CCDC150: variants seen among roughly 807,000 people sequenced by gnomAD.
The protein encoded by CCDC150 is coiled-coil domain-containing protein 150.
Under a neutral mutation model 156.5 loss-of-function variants are expected in CCDC150, and 151 were observed. The ratio of observed to expected loss-of-function variants is 0.97; its 90% confidence interval spans 0.85 to 1.10. CCDC150 has a LOEUF of 1.10. Ranked by LOEUF, CCDC150 falls within the 50% of genes least tolerant of loss-of-function variation. CCDC150 has a pLI of 0.00. For synonymous variants in CCDC150, 452 were observed against 429.4 expected, an observed-to-expected ratio of 1.05 and a Z score of -0.65; for missense variants, 1,312 against 1,268.1, an observed-to-expected ratio of 1.03 and a Z score of -0.53.
At position 196,693,766 on chromosome 2, in the gene CCDC150, T is replaced by C. The variant is rs531534422; in HGVS notation, c.1510-1280T>C. On this transcript the variant is annotated intron_variant, in intron 13 of 27. Transcript: ENST00000389175. ...TCACTATTAATATTGATATTAGCTG[T>C]AGGATTTTTATGGATACATTTTTTA... Among the ~76,000 whole-genome samples the C allele has an allele frequency of 7.9e-5, 12 of 152,292 alleles. No homozygotes were observed. The South Asian group carries it at 2.5e-3, about 32-fold the overall frequency.
intron 19 of CCDC150, 94 bp from the exon 20 acceptor site, chr2:196,720,481 C>G (rs1378554223): frequency 2.1e-5 from 19 of 908,838 alleles, no homozygotes; most frequent in Non-Finnish European, 3.1e-5. Context: ...GCTATTTGAG[C>G]TTCTTAGAAG....
intron 22 of CCDC150, 120 bp downstream of exon 22, chr2:196,726,219 C>T (rs1221597125): frequency 1.7e-6 from 2 of 1,149,492 alleles, no homozygotes; most frequent in South Asian, 3.1e-5. Flanking sequence ...GATCAGCAGG[C>T]CAGATGTAAT....
chr2:196,692,333 A>C (rs1298065744), intron 13 of CCDC150, among the ~76,000 whole-genome samples: 1 of 149,002 alleles, frequency 6.7e-6, no homozygotes, highest in Non-Finnish European at 1.5e-5. Context: ...ACGGGGTTTC[A>C]CCTTGTTAGC....
At position 196,719,045 on chromosome 2, in the gene CCDC150, AT is replaced by A. The variant is rs940800353; in HGVS notation, c.1995+418del. 1.1e-3 allele frequency among the ~76,000 whole-genome samples: 167 copies of A among 152,280 alleles called. 1 individual carries two copies. The highest frequency in any genetic ancestry group is 3.8e-3 in the African/African-American group (157 of 41,566). On this transcript the variant is annotated intron_variant, in intron 18 of 27. Transcript: ENST00000389175. ...ACTTCTCTTTGTCAGCAAGTGCTGGATTTTGTCTCTCTGAGGAGGGCTGTGA... is the reference window on the plus strand; with the variant it reads ...ACTTCTCTTTGTCAGCAAGTGCTGGATTTGTCTCTCTGAGGAGGGCTGTGA...
intron 17 of CCDC150, among the ~76,000 whole-genome samples, chr2:196,716,151 A>G (rs758025201): frequency 1.3e-5 from 2 of 152,214 alleles, no homozygotes; most frequent in Admixed American, 6.5e-5. Flanking sequence ...TCACAGTGAG[A>G]TACTACCACA....
intron 2 of CCDC150, among the ~76,000 whole-genome samples, chr2:196,652,671 C>T (rs1692957116): frequency 6.6e-6 from 1 of 152,234 alleles, no homozygotes; most frequent in Non-Finnish European, 1.5e-5. Flanking sequence ...CCCACAGCTC[C>T]CCTGAGCAGT....
chr2:196,717,661 G>T (rs1378541607), intron 17 of CCDC150, among the ~76,000 whole-genome samples: 1 of 152,186 alleles, frequency 6.6e-6, no homozygotes, highest in South Asian at 2.1e-4. Flanking sequence ...GGAGGCCGAG[G>T]TGAGCAGATC....
At chr2:196,657,789 A>G (rs962237403) in intron 4 of CCDC150, among the ~76,000 whole-genome samples, 1 of 152,212 alleles carries the variant, frequency 6.6e-6, no homozygotes, top group Non-Finnish European at 1.5e-5. Flanking sequence ...CTTGTGAAGT[A>G]GGATATTATT....
At chr2:196,731,279 G>C (rs979508191) in intron 26 of CCDC150, among the ~76,000 whole-genome samples, 1 of 151,814 alleles carries the variant, frequency 6.6e-6, no homozygotes, top group African/African-American at 2.4e-5. Flanking sequence ...GATGCTCTTT[G>C]TTCAATCAAT....
chr2:196,697,703 T>C (rs1213162698), intron 14 of CCDC150, among the ~76,000 whole-genome samples: 2 of 152,308 alleles, frequency 1.3e-5, no homozygotes, highest in East Asian at 3.9e-4. Context: ...AATAAAAAAC[T>C]TTAAAAAATG....
At chr2:196,681,115 C>T (rs1489781021) in intron 13 of CCDC150, among the ~76,000 whole-genome samples, 2 of 152,176 alleles carry the variant, frequency 1.3e-5, no homozygotes, top group East Asian at 3.8e-4. Context: ...ACTCCCCATT[C>T]CCTCCTTCTC....
chr2:196,672,221 A>C, intron 8 of CCDC150, 124 bp from the exon 9 acceptor site: 1 of 437,786 alleles, frequency 2.3e-6, no homozygotes. Flanking sequence ...AGACATTTAT[A>C]AAGTTCCAGT....
intron 15 of CCDC150, among the ~76,000 whole-genome samples, chr2:196,710,230 TC>T (rs1158220578): frequency 6.6e-6 from 1 of 152,198 alleles, no homozygotes; most frequent in Non-Finnish European, 1.5e-5. Context: ...CGGACGCCCC[TC>T]CCCATGCCAG....
rs1404664441 is a variant in CCDC150 at position 196,657,878 on chromosome 2, G to A, written c.576+742G>A. Among the ~76,000 whole-genome samples the A allele has an allele frequency of 2.6e-5, 4 of 152,288 alleles. No homozygotes were observed. In the East Asian group the frequency reaches 7.7e-4, roughly 29 times the overall value. ...CAAGATCAGACATACCTGTTGTCTT[G>A]TTGTTACCCGGGTTTGAACCTGGAT... On this transcript the variant is annotated intron_variant, in intron 4 of 27. Transcript: ENST00000389175.
At chr2:196,654,912 T>C (rs886166079) in intron 2 of CCDC150, among the ~76,000 whole-genome samples, 5 of 152,190 alleles carry the variant, frequency 3.3e-5, no homozygotes, top group African/African-American at 1.2e-4. Flanking sequence ...ATAATGTATC[T>C]CTCAAATCTC....
intron 13 of CCDC150, among the ~76,000 whole-genome samples, chr2:196,683,996 G>A (rs953034386): frequency 2.0e-5 from 3 of 151,800 alleles, no homozygotes; most frequent in East Asian, 1.9e-4. Context: ...TCTTATTTCT[G>A]CGTTAATCTT....
intron 15 of CCDC150, among the ~76,000 whole-genome samples, chr2:196,702,816 T>G (rs1260756400): frequency 6.6e-6 from 1 of 152,054 alleles, no homozygotes; most frequent in Non-Finnish European, 1.5e-5. Flanking sequence ...ATTTGTAAAT[T>G]AAAGAAGTTT....
At chr2:196,689,034 T>C (rs939630921) in intron 13 of CCDC150, among the ~76,000 whole-genome samples, 8 of 152,210 alleles carry the variant, frequency 5.3e-5, no homozygotes, top group Non-Finnish European at 1.0e-4. Flanking sequence ...TTCTCAGGTT[T>C]GTCAAAGATC....
intron 14 of CCDC150, among the ~76,000 whole-genome samples, chr2:196,695,451 TCAGA>T (rs1214989230): frequency 6.6e-6 from 1 of 152,198 alleles, no homozygotes; most frequent in African/African-American, 2.4e-5. Flanking sequence ...TTTTTTCTCA[TCAGA>T]CAGTTTCCTC....
Sources: allele counts gnomAD v4.1 joint callset (sites outside exome capture counted in the v4.1 genomes callset), GRCh38; gene constraint gnomAD v4.1.1; transcripts MANE v1.5; gene names NCBI Gene and HGNC (gene_info 2026-07-23, HGNC 2026-07-21).